Variants in HNF4G observed in about 807,000 individuals in gnomAD.
HNF4G encodes hepatocyte nuclear factor 4 gamma, also known as hepatocyte nuclear factor 4-gamma.
Under a neutral mutation model 50.9 loss-of-function variants are expected in HNF4G, and 21 were observed. The observed-to-expected ratio is 0.41, with a 90% CI of 0.29 to 0.59. The LOEUF (loss-of-function observed/expected upper bound fraction) is 0.59. HNF4G is among the 20% of genes least tolerant of loss of function. HNF4G has a pLI of 0.26. For missense variants in HNF4G, 527 were observed against 559.4 expected (o/e 0.94, Z 0.58); for synonymous variants, 198 against 185.6 (o/e 1.07, Z -0.54).
chr8:75,503,221 G>A (rs1812978033), intron 2 of HNF4G, among the ~76,000 whole-genome samples: 1 of 152,122 alleles, frequency 6.6e-6, no homozygotes, highest in Non-Finnish European at 1.5e-5. Context: ...TTTGTGTTTG[G>A]TTTTGCTGCT....
At chr8:75,546,287 T>C (rs1806775548) in intron 2 of HNF4G, among the ~76,000 whole-genome samples, 1 of 152,112 alleles carries the variant, frequency 6.6e-6, no homozygotes, top group Non-Finnish European at 1.5e-5. Context: ...CAATTGTAAA[T>C]TAATGTTACT....
At chr8:75,445,136 G>A (rs1223080951) in intron 1 of HNF4G, among the ~76,000 whole-genome samples, 5 of 109,196 alleles carry the variant, frequency 4.6e-5, no homozygotes, top group East Asian at 2.5e-4. Context: ...CACTCAAAGC[G>A]GCTCAACTAC....
intron 1 of HNF4G, among the ~76,000 whole-genome samples, chr8:75,489,858 T>C (rs1812582477): frequency 6.6e-6 from 1 of 152,228 alleles, no homozygotes; most frequent in Non-Finnish European, 1.5e-5. Context: ...ACATGACCGC[T>C]TATTTCATGT....
At chr8:75,490,946 T>C (rs907543575) in intron 2 of HNF4G, among the ~76,000 whole-genome samples, 1 of 152,200 alleles carries the variant, frequency 6.6e-6, no homozygotes, top group African/African-American at 2.4e-5. Flanking sequence ...AGCACTAGTA[T>C]AAATTTGGTG....
At chr8:75,559,965 A>T (rs1011635430) in intron 8 of HNF4G, among the ~76,000 whole-genome samples, 2 of 152,174 alleles carry the variant, frequency 1.3e-5, no homozygotes, top group African/African-American at 4.8e-5. Context: ...TCTGGTGCAT[A>T]ATTTGTTCCT....
intron 1 of HNF4G, among the ~76,000 whole-genome samples, chr8:75,419,381 A>G (rs917507839): frequency 1.3e-5 from 2 of 152,182 alleles, no homozygotes; most frequent in African/African-American, 4.8e-5. Context: ...AATTTACACA[A>G]ACAATAATCC....
intron 2 of HNF4G, among the ~76,000 whole-genome samples, chr8:75,500,952 CT>C: frequency 6.6e-6 from 1 of 151,972 alleles, no homozygotes; most frequent in African/African-American, 2.4e-5. Context: ...TTTGTCCAAC[CT>C]TTTGAATACA....
chr8:75,447,448 A>C (rs9643425), intron 1 of HNF4G, among the ~76,000 whole-genome samples: 57,872 of 129,740 alleles, frequency 0.45, 13,136 homozygotes, highest in Middle Eastern at 0.53. Context: ...TAATTAAACT[A>C]AAGAGCTTCT....
intron 2 of HNF4G, among the ~76,000 whole-genome samples, chr8:75,505,037 A>G (rs1371029353): frequency 6.6e-6 from 1 of 152,194 alleles, no homozygotes; most frequent in Non-Finnish European, 1.5e-5. Flanking sequence ...CTCAATTTTT[A>G]ACACTCATGA....
chr8:75,480,462 G>A (rs893323011), intron 1 of HNF4G, among the ~76,000 whole-genome samples: 1 of 152,158 alleles, frequency 6.6e-6, no homozygotes, highest in African/African-American at 2.4e-5. Flanking sequence ...AAGAGTGAAT[G>A]ATAAAGATAA....
intron 1 of HNF4G, among the ~76,000 whole-genome samples, chr8:75,413,024 T>G (rs1295551077): frequency 6.6e-6 from 1 of 151,882 alleles, no homozygotes; most frequent in Non-Finnish European, 1.5e-5. Context: ...TGATGAGAAC[T>G]TGCTGAGTAG....
At chr8:75,507,427 A>AT (rs1381605205) in intron 2 of HNF4G, among the ~76,000 whole-genome samples, 14 of 151,912 alleles carry the variant, frequency 9.2e-5, no homozygotes, top group African/African-American at 3.1e-4. Context: ...TGCCCAGCCA[A>AT]TTTTTGTATT....
In HNF4G at chr8:75,556,068, G is replaced by A. The variant is rs1335828233; in HGVS notation, c.732G>A (p.Leu244=). Residue 244 remains leucine, a splice_region_variant and synonymous_variant, in exon 6 of 10, where the codon TTG becomes TTA. Transcript: ENST00000396423. ...TGATGTATAAAGATATTTTGCTTTT[G>A]GGTAAGTTTTTTTTTTTTAATTTAA... ...RSMMYKDILL[L]GNNYVIHRNS... is the part of the protein sequence containing the mutation. 2.0e-6 allele frequency: 3 copies of A among 1,465,584 alleles called. No individual in the cohort carries two copies. The highest frequency in any genetic ancestry group is 9.0e-7 in the Non-Finnish European group (1 of 1,109,882). 90.8% of individuals were successfully genotyped at this position (1,465,584 alleles called of 1,614,324 possible). A position where few individuals can be genotyped will look rare whatever the true frequency, so the allele number is the denominator to read the frequency against.
chr8:75,563,310 CTT>C (rs1807367778), intron 9 of HNF4G, among the ~76,000 whole-genome samples: 1 of 151,906 alleles, frequency 6.6e-6, no homozygotes, highest in Admixed American at 6.6e-5. Flanking sequence ...GAAACTGTAA[CTT>C]TTTACATTCA....
In HNF4G at chr8:75,539,918, G is replaced by T; in HGVS notation, c.-45G>T. ...CAAAACACATCAAAACACTCATCAC[G>T]CACTCTGGGCTTGTGGTGCCACTTG... On this transcript the variant is annotated 5_prime_UTR_variant, in exon 1 of 10. Transcript: ENST00000396423. The T allele has an allele frequency of 1.2e-6, 1 of 855,346 alleles. No homozygotes were observed. Among genetic ancestry groups the T allele is most frequent in the South Asian group, 1.4e-5 (1 of 72,908 alleles). 53.0% of individuals were successfully genotyped at this position (855,346 alleles called of 1,614,324 possible). A position where few individuals can be genotyped will look rare whatever the true frequency, so the allele number is the denominator to read the frequency against.
chr8:75,439,561 C>A (rs556515524), intron 1 of HNF4G, among the ~76,000 whole-genome samples: 2 of 151,766 alleles, frequency 1.3e-5, no homozygotes, highest in Admixed American at 1.3e-4. Flanking sequence ...TACATTTTTT[C>A]TTAGAAAGAA....
At chr8:75,436,601 C>G (rs1811147416) in intron 1 of HNF4G, among the ~76,000 whole-genome samples, 2 of 152,128 alleles carry the variant, frequency 1.3e-5, no homozygotes, top group Admixed American at 1.3e-4. Flanking sequence ...TGGATCCCAC[C>G]TCACGCTTTA....
chr8:75,530,111 C>T (rs915438598), intron 2 of HNF4G, among the ~76,000 whole-genome samples: 6 of 152,078 alleles, frequency 3.9e-5, no homozygotes, highest in Non-Finnish European at 8.8e-5. Flanking sequence ...CTGTCCCACT[C>T]GTCTCAAGGA....
At chr8:75,434,002 C>CTTTTTTTT (rs139429237) in intron 1 of HNF4G, among the ~76,000 whole-genome samples, 2 of 123,280 alleles carry the variant, frequency 1.6e-5, no homozygotes, top group East Asian at 2.3e-4. Context: ...TGTTTCTTTT[C>CTTTTTTTT]TTTTTTTTTT....
Sources: gnomAD v4.1 joint callset for allele counts (sites outside exome capture counted in the v4.1 genomes callset) on GRCh38, gnomAD v4.1.1 for gene constraint, MANE v1.5 for transcripts, NCBI Gene and HGNC (gene_info 2026-07-23, HGNC 2026-07-21) for gene names.